SNTB2: variants seen among roughly 807,000 people sequenced by gnomAD.
The protein encoded by SNTB2 is beta-2-syntrophin.
Under a neutral mutation model 46.2 loss-of-function variants are expected in SNTB2, and 34 were observed. That is an observed-to-expected ratio of 0.74 (90% confidence interval 0.56 to 0.98). SNTB2 has a LOEUF of 0.98. Ranked by LOEUF, SNTB2 falls within the 50% of genes least tolerant of loss-of-function variation. SNTB2 has a pLI of 0.00. For missense variants in SNTB2, 603 were observed against 731.4 expected (o/e 0.82, Z 2.02); for synonymous variants, 290 against 312.6 (o/e 0.93, Z 0.76).
At chr16:69,272,175 G>A (rs1392285290) in intron 4 of SNTB2, among the ~76,000 whole-genome samples, 1 of 152,070 alleles carries the variant, frequency 6.6e-6, no homozygotes, top group African/African-American at 2.4e-5. Context: ...TCAAGAAAGT[G>A]AAAAAATAAC....
intron 1 of SNTB2, among the ~76,000 whole-genome samples, chr16:69,234,032 GA>G (rs1374962853): frequency 6.6e-6 from 1 of 151,504 alleles, no homozygotes; most frequent in East Asian, 2.0e-4. Context: ...TTAAAAAAAG[GA>G]AAAAAGAAAA....
intron 1 of SNTB2, among the ~76,000 whole-genome samples, chr16:69,203,954 G>A (rs139797456): frequency 6.6e-5 from 10 of 151,766 alleles, no homozygotes; most frequent in Non-Finnish European, 1.0e-4. Context: ...GCGTAGTGGC[G>A]CGATCCCGGC....
chr16:69,293,963 A>G (rs1965198935), intron 5 of SNTB2, among the ~76,000 whole-genome samples: 1 of 152,184 alleles, frequency 6.6e-6, no homozygotes, highest in South Asian at 2.1e-4. Context: ...CTCCATCCCT[A>G]AATCCAACTG....
At chr16:69,187,773 G>GGGGGGGGCC in intron 1 of SNTB2, 27 bp downstream of exon 1, 1 of 331,852 alleles carries the variant, frequency 3.0e-6, no homozygotes, top group Non-Finnish European at 5.5e-6. Flanking sequence ...GGGAGGGTGG[G>GGGGGGGGCC]CAGGCCGCGG....
intron 4 of SNTB2, among the ~76,000 whole-genome samples, chr16:69,279,803 C>T (rs1398498529): frequency 2.0e-5 from 3 of 151,358 alleles, no homozygotes; most frequent in African/African-American, 7.3e-5. Context: ...GCTGGGATTA[C>T]AGGTGTGAGC....
intron 4 of SNTB2, among the ~76,000 whole-genome samples, chr16:69,281,544 T>C (rs1292246424): frequency 6.6e-6 from 1 of 151,364 alleles, no homozygotes; most frequent in Admixed American, 6.6e-5. Flanking sequence ...TGTAGCGGCA[T>C]TTGTTGAAAA....
chr16:69,206,748 G>A (rs572564349), intron 1 of SNTB2, among the ~76,000 whole-genome samples: 11 of 150,890 alleles, frequency 7.3e-5, no homozygotes, highest in South Asian at 4.2e-4. Flanking sequence ...ATAAGGAATT[G>A]GCTGCATTTT....
intron 4 of SNTB2, among the ~76,000 whole-genome samples, chr16:69,280,861 A>T (rs1965036011): frequency 1.3e-5 from 2 of 149,582 alleles, no homozygotes; most frequent in African/African-American, 4.9e-5. Flanking sequence ...GCAGTGGCGC[A>T]GTCTTGGCTC....
chr16:69,304,345 C>G lies in SNTB2; in HGVS notation c.*3421C>G, dbSNP rs1965299864. 1 of 152,622 alleles carries G rather than the reference C, an allele frequency of 6.6e-6. No homozygotes were observed. Among genetic ancestry groups the G allele is most frequent in the South Asian group, 2.1e-4 (1 of 4,824 alleles). 9.5% of individuals were successfully genotyped at this position (152,622 alleles called of 1,614,324 possible). ...GGTTAAATACTGGAACATATATAGG[C>G]AGTCAAAAATACTACTTTAAATGTC... On this transcript the variant is annotated 3_prime_UTR_variant, in exon 7 of 7. Transcript: ENST00000336278.
rs139726979 is a variant in SNTB2 at position 69,203,237 on chromosome 16, C to G, written c.580+15491C>G. ...TTTGCCGTGTTGGCTAGGCTGGTCT[C>G]GAACTCCTGACCTCAGGTGATCTGC... On this transcript the variant is annotated intron_variant, in intron 1 of 6. Coordinates refer to ENST00000336278, the MANE Select transcript of SNTB2 (RefSeq NM_006750.4). Among the ~76,000 whole-genome samples, 398 of 151,856 alleles carry G rather than the reference C, an allele frequency of 2.6e-3. 5 individuals carry two copies. The highest frequency in any genetic ancestry group is 8.7e-3 in the African/African-American group (362 of 41,378).
Position 69,224,210 on chromosome 16 carries a change from A to ATTT in SNTB2, c.581-21375_581-21373dup, listed in dbSNP as rs34419738. 7.1e-3 allele frequency among the ~76,000 whole-genome samples: 905 copies of ATTT among 127,716 alleles called. 26 individuals are homozygous for ATTT. The highest frequency in any genetic ancestry group is 0.023 in the African/African-American group (770 of 33,700). 83.8% of individuals were successfully genotyped at this position (127,716 alleles called of 152,430 possible). ...ATAAAGTTACTATTTTTCCTTTGCA[A>ATTT]TTTTTTTTTTTTTTTTTTTGAGACG... On this transcript the variant is annotated intron_variant, in intron 1 of 6. Coordinates refer to ENST00000336278, the MANE Select transcript of SNTB2 (RefSeq NM_006750.4).
chr16:69,225,426 A>G (rs1430550645), intron 1 of SNTB2, among the ~76,000 whole-genome samples: 5 of 152,140 alleles, frequency 3.3e-5, no homozygotes, highest in African/African-American at 7.2e-5. Flanking sequence ...TTGAATTGCT[A>G]TGGTTTTTTT....
chr16:69,223,594 G>A (rs1367289902), intron 1 of SNTB2, among the ~76,000 whole-genome samples: 2 of 151,542 alleles, frequency 1.3e-5, no homozygotes, highest in Admixed American at 6.6e-5. Context: ...ATTACACTTC[G>A]TTGTCATGTT....
At chr16:69,269,507 C>G (rs533129722) in intron 3 of SNTB2, among the ~76,000 whole-genome samples, 2 of 150,998 alleles carry the variant, frequency 1.3e-5, no homozygotes, top group East Asian at 3.9e-4. Context: ...CAGAGCAAGA[C>G]TGTCTCAGAA....
chr16:69,274,961 T>C (rs1278325691), intron 4 of SNTB2, among the ~76,000 whole-genome samples: 1 of 152,132 alleles, frequency 6.6e-6, no homozygotes, highest in African/African-American at 2.4e-5. Flanking sequence ...CTAGACTGAT[T>C]GTCTGCCTTC....
intron 1 of SNTB2, among the ~76,000 whole-genome samples, chr16:69,192,640 T>G (rs1964066476): frequency 6.6e-6 from 1 of 152,208 alleles, no homozygotes; most frequent in Non-Finnish European, 1.5e-5. Context: ...GATGGTATGG[T>G]CAGTTATGTT....
At chr16:69,253,045 G>A (rs1241516460) in intron 2 of SNTB2, among the ~76,000 whole-genome samples, 2 of 151,682 alleles carry the variant, frequency 1.3e-5, no homozygotes, top group Non-Finnish European at 2.9e-5. Flanking sequence ...GACTGCAGGC[G>A]CCTGCCACCA....
chr16:69,215,567 A>G (rs916697298), intron 1 of SNTB2, among the ~76,000 whole-genome samples: 4 of 152,220 alleles, frequency 2.6e-5, no homozygotes, highest in African/African-American at 9.6e-5. Flanking sequence ...TTATTAAATT[A>G]GAGCACTGGG....
intron 1 of SNTB2, among the ~76,000 whole-genome samples, chr16:69,219,781 TCA>T (rs1215112292): frequency 6.6e-6 from 1 of 151,946 alleles, no homozygotes; most frequent in African/African-American, 2.4e-5. Flanking sequence ...AGATGGAGTC[TCA>T]CTGTGTTACC....
Sources: gnomAD v4.1 joint callset for allele counts (sites outside exome capture counted in the v4.1 genomes callset) on GRCh38, gnomAD v4.1.1 for gene constraint, MANE v1.5 for transcripts, NCBI Gene and HGNC (gene_info 2026-07-23, HGNC 2026-07-21) for gene names.